Variants in EMSY observed in about 807,000 individuals in gnomAD.
EMSY encodes EMSY transcriptional repressor, BRCA2 interacting.
A neutral mutation model predicts 134.6 loss-of-function variants in EMSY; 26 were observed. That is an observed-to-expected ratio of 0.19 (90% CI 0.14 to 0.27). EMSY has a LOEUF of 0.27. Among genes scored for constraint, EMSY ranks in the 10% least tolerant of loss-of-function variants. The probability of loss-of-function intolerance (pLI) is 1.00; values close to 1 mark genes in which losing one functional copy is unlikely to be tolerated. For synonymous variants in EMSY, 579 were observed against 577.8 expected, an observed-to-expected ratio of 1.00 and a Z score of -0.03; for missense variants, 1,305 against 1,611.4, an observed-to-expected ratio of 0.81 and a Z score of 3.26.
intron 15 of EMSY, 39 bp downstream of exon 16, chr11:76,536,098 C>T (rs1405627549): frequency 7.3e-7 from 1 of 1,367,888 alleles, no homozygotes. Context: ...AGCATGTTTT[C>T]TCTAGAGACG....
chr11:76,489,525 A>G (rs185903218), intron 8 of EMSY, among the ~76,000 whole-genome samples: 2 of 151,660 alleles, frequency 1.3e-5, no homozygotes. Context: ...CCTTGATGTT[A>G]TCACCAGTGT....
intron 4 of EMSY, among the ~76,000 whole-genome samples, chr11:76,456,587 GTTTC>G (rs1185336143): frequency 2.0e-5 from 3 of 152,248 alleles, no homozygotes; most frequent in East Asian, 3.9e-4. Flanking sequence ...GAGCTTTTCT[GTTTC>G]TTTCTTGTTT....
intron 7 of EMSY, among the ~76,000 whole-genome samples, chr11:76,471,229 A>G (rs1393336184): frequency 1.3e-5 from 2 of 152,056 alleles, no homozygotes; most frequent in African/African-American, 4.8e-5. Flanking sequence ...AATGGACTTT[A>G]TTTTTTAAAA....
intron 11 of EMSY, among the ~76,000 whole-genome samples, chr11:76,517,224 C>T (rs970827356): frequency 2.0e-5 from 3 of 151,806 alleles, no homozygotes; most frequent in African/African-American, 7.3e-5. Context: ...AAAAAAAAAG[C>T]AAAGCAGAGC....
At chr11:76,451,928 T>C (rs1256082362) in exon 3 of EMSY, 1 of 1,595,844 alleles carries the variant, frequency 6.3e-7, no homozygotes, top group Middle Eastern at 1.7e-4. Context: ...AAAAGAAAGA[T>C]CTTCTTGGAG....
intron 3 of EMSY, among the ~76,000 whole-genome samples, chr11:76,452,253 T>C (rs1162568147): frequency 6.6e-6 from 1 of 152,212 alleles, no homozygotes; most frequent in African/African-American, 2.4e-5. Context: ...GGAGGTGCTT[T>C]TGACATAGGT....
At chr11:76,459,884 G>T in intron 5 of EMSY, 49 bp from the exon 7 acceptor site, 1 of 1,599,808 alleles carries the variant, frequency 6.3e-7, no homozygotes, top group Non-Finnish European at 8.5e-7. Flanking sequence ...TTGTATGCCT[G>T]GACAGTTTTG....
chr11:76,488,533 T>G (rs888972613), intron 8 of EMSY, among the ~76,000 whole-genome samples: 12 of 150,340 alleles, frequency 8.0e-5, no homozygotes, highest in Non-Finnish European at 1.2e-4. Flanking sequence ...TATTTTTTTT[T>G]TGTTTTTTTT....
intron 20 of EMSY, among the ~76,000 whole-genome samples, chr11:76,549,730 T>C (rs1200702283): frequency 6.6e-6 from 1 of 152,182 alleles, no homozygotes; most frequent in Non-Finnish European, 1.5e-5. Context: ...TAAATGGGAA[T>C]AATAATTTTC....
intron 10 of EMSY, among the ~76,000 whole-genome samples, chr11:76,514,886 A>G (rs1460871053): frequency 6.6e-6 from 1 of 152,088 alleles, no homozygotes; most frequent in Admixed American, 6.5e-5. Context: ...TAACAGTGTT[A>G]TGCATATATG....
chr11:76,463,814 C>T lies in EMSY; in HGVS notation c.572-7C>T. 1 of 1,613,790 alleles carries T rather than the reference C, an allele frequency of 6.2e-7. No individual in the cohort carries two copies. On this transcript the variant is annotated splice_region_variant and splice_polypyrimidine_tract_variant and intron_variant, in intron 6 of 20. Coordinates refer to ENST00000334736, the Ensembl canonical transcript of EMSY. ...ATACATATAGCAGTATTGTCATTGC[C>T]CTTCAGGTGTAAGCTGTTCAGATGA...
At chr11:76,508,306 G>T (rs1222727879) in intron 9 of EMSY, among the ~76,000 whole-genome samples, 2 of 151,952 alleles carry the variant, frequency 1.3e-5, no homozygotes, top group Non-Finnish European at 2.9e-5. Flanking sequence ...GGGTGACTAG[G>T]TGCATTGTCA....
intron 12 of EMSY, among the ~76,000 whole-genome samples, chr11:76,526,002 G>A (rs1165701564): frequency 1.3e-5 from 2 of 151,958 alleles, no homozygotes; most frequent in African/African-American, 2.4e-5. Context: ...TGTGCATTTA[G>A]CTACTGGTAT....
chr11:76,450,418 A>G (rs1327807724), intron 2 of EMSY, among the ~76,000 whole-genome samples: 1 of 152,078 alleles, frequency 6.6e-6, no homozygotes, highest in Non-Finnish European at 1.5e-5. Context: ...TGAAATGTCT[A>G]CATAGTATCC....
intron 7 of EMSY, among the ~76,000 whole-genome samples, chr11:76,467,628 GA>G (rs1489742373): frequency 6.6e-6 from 1 of 151,884 alleles, no homozygotes; most frequent in Non-Finnish European, 1.5e-5. Flanking sequence ...ATTAATTAAT[GA>G]ATGAATAGAA....
chr11:76,509,174 A>G (rs1950184127), intron 9 of EMSY, among the ~76,000 whole-genome samples: 1 of 152,184 alleles, frequency 6.6e-6, no homozygotes, highest in African/African-American at 2.4e-5. Context: ...ATGTGAGCGC[A>G]CACTGTTGGA....
chr11:76,466,116 C>T (rs995399649), intron 7 of EMSY, among the ~76,000 whole-genome samples: 1 of 152,194 alleles, frequency 6.6e-6, no homozygotes, highest in Non-Finnish European at 1.5e-5. Context: ...CCTGGCCCCC[C>T]AGATGTGCCT....
Position 76,481,125 on chromosome 11 carries a change from G to A in EMSY, c.1108+8285G>A, listed in dbSNP as rs547018690. On this transcript the variant is annotated intron_variant, in intron 8 of 20. Coordinates refer to ENST00000334736, the Ensembl canonical transcript of EMSY. Reference sequence around the variant, plus strand: ...ATGGCGCTATCTCGGCTCACTGCAAGCTCTGCCTCCCGGGTTCACACCATT... The same window carrying A: ...ATGGCGCTATCTCGGCTCACTGCAAACTCTGCCTCCCGGGTTCACACCATT... Among the ~76,000 whole-genome samples, 9 of 152,196 alleles carry A rather than the reference G, an allele frequency of 5.9e-5. No individual in the cohort carries two copies. The South Asian group carries it at 1.9e-3, about 32-fold the overall frequency.
chr11:76,462,013 G>C (rs1042238152), intron 6 of EMSY, among the ~76,000 whole-genome samples: 3 of 151,968 alleles, frequency 2.0e-5, no homozygotes, highest in Non-Finnish European at 4.4e-5. Flanking sequence ...GAGGCGAGCA[G>C]ATCACCTGAG....
Sources: allele counts gnomAD v4.1 joint callset (sites outside exome capture counted in the v4.1 genomes callset), GRCh38; gene constraint gnomAD v4.1.1; transcripts MANE v1.5; gene names NCBI Gene and HGNC (gene_info 2026-07-23, HGNC 2026-07-21).